NCK1: variants seen among roughly 807,000 people sequenced by gnomAD.
NCK1 encodes SH2/SH3 adapter protein NCK1.
NCK1 carries 19 observed loss-of-function variants against 36.6 expected under a neutral mutation model. The ratio of observed to expected loss-of-function variants is 0.52; its 90% CI spans 0.36 to 0.76. NCK1 has a LOEUF of 0.76. Among genes scored for constraint, NCK1 ranks in the 30% least tolerant of loss-of-function variants. NCK1 has a pLI of 0.00. For missense variants in NCK1, 358 were observed against 445.6 expected (o/e 0.80, Z 1.77); for synonymous variants, 165 against 156.0 (o/e 1.06, Z -0.43).
chr3:136,890,091 A>G (rs1304638775), intron 1 of NCK1, among the ~76,000 whole-genome samples: 2 of 152,122 alleles, frequency 1.3e-5, no homozygotes, highest in South Asian at 2.1e-4. Context: ...ACAGCAGCCC[A>G]TGGGGCGGGG....
At position 136,867,084 on chromosome 3, in the gene NCK1, CTTT is replaced by C. The variant is rs1938446885; in HGVS notation, c.-19+4732_-19+4734del. Among the ~76,000 whole-genome samples the C allele has an allele frequency of 1.6e-4, 2 of 12,434 alleles. 1 individual carries two copies. Among genetic ancestry groups the C allele is most frequent in the East Asian group, 2.0e-3 (2 of 984 alleles). 8.2% of individuals were successfully genotyped at this position (12,434 alleles called of 152,430 possible). On this transcript the variant is annotated intron_variant, in intron 1 of 3. Coordinates refer to ENST00000481752, the MANE Select transcript of NCK1 (RefSeq NM_001291999.2). ...TCTTTCTTTCTTTCTTTCTTTCTTT[CTTT>C]CTTTCTTTCTTTCTTTCTTTCTTTC... is the stretch of plus-strand genomic sequence containing the variant.
intron 1 of NCK1, among the ~76,000 whole-genome samples, chr3:136,895,865 T>G (rs967014507): frequency 2.6e-5 from 4 of 152,182 alleles, no homozygotes; most frequent in African/African-American, 9.7e-5. Context: ...ATGCCCAGTC[T>G]GTATGTTATT....
intron 1 of NCK1, among the ~76,000 whole-genome samples, chr3:136,891,019 A>C (rs767809990): frequency 1.1e-4 from 17 of 152,240 alleles, no homozygotes; most frequent in Non-Finnish European, 2.4e-4. Context: ...TATTTCACTG[A>C]GTATAGTGTC....
At chr3:136,941,028 A>G (rs1209489842) in intron 2 of NCK1, among the ~76,000 whole-genome samples, 1 of 152,050 alleles carries the variant, frequency 6.6e-6, no homozygotes, top group East Asian at 1.9e-4. Context: ...TATATCTGAT[A>G]AGGAAGGATT....
chr3:136,872,098 G>C (rs1480639877), intron 1 of NCK1, among the ~76,000 whole-genome samples: 1 of 152,208 alleles, frequency 6.6e-6, no homozygotes, highest in Non-Finnish European at 1.5e-5. Context: ...CTTTGGAACT[G>C]GGTAACAGGC....
Position 136,928,020 on chromosome 3 carries a change from G to T in NCK1, c.19G>T (p.Val7Leu), listed in dbSNP as rs548741298. 3.7e-6 allele frequency: 6 copies of T among 1,613,890 alleles called. No homozygotes were observed. In the East Asian group the frequency reaches 1.1e-4, roughly 30 times the overall value. Residue 7 changes from valine (V) to leucine (L), a missense_variant, in exon 2 of 4, where the codon GTA becomes TTA. Around this residue, in one of 3 missense-constraint regions of NCK1, gnomAD observed 143 missense variants for 162.4 expected, o/e 0.88. Transcript: ENST00000481752. MAEEVVVVAKFDYVAQQ... is the reference protein window; with the variant it reads MAEEVVLVAKFDYVAQQ... ...CTGAAAGATGGCAGAAGAAGTGGTG[G>T]TAGTAGCCAAATTTGATTATGTGGC...
chr3:136,927,590 C>T (rs1270165498), intron 1 of NCK1, among the ~76,000 whole-genome samples: 1 of 151,916 alleles, frequency 6.6e-6, no homozygotes, highest in Non-Finnish European at 1.5e-5. Context: ...GGTGCGATAT[C>T]GGCTCACTGC....
At chr3:136,934,853 G>A (rs1940488189) in intron 2 of NCK1, among the ~76,000 whole-genome samples, 1 of 152,146 alleles carries the variant, frequency 6.6e-6, no homozygotes, top group Admixed American at 6.5e-5. Context: ...TTAAGCAATG[G>A]GTTAGAAGGG....
Position 136,951,320 on chromosome 3 carries a change from G to A in NCK1, c.*2867G>A, listed in dbSNP as rs1490250771. Among the ~76,000 whole-genome samples the A allele has an allele frequency of 6.6e-6, 1 of 152,172 alleles. No individual in the cohort carries two copies. The highest frequency in any genetic ancestry group is 1.5e-5 in the Non-Finnish European group (1 of 68,022). Reference sequence around the variant, plus strand: ...ATTTCACTCCCACCTTGTTGCTGGGGTACCTTCTTCAGGGTACATCTAAAC... The same window carrying A: ...ATTTCACTCCCACCTTGTTGCTGGGATACCTTCTTCAGGGTACATCTAAAC... On this transcript the variant is annotated 3_prime_UTR_variant, in exon 4 of 4. Transcript: ENST00000481752.
At chr3:136,867,312 T>C (rs12630955) in intron 1 of NCK1, 100,790 of 147,602 alleles carry the variant, frequency 0.68, 34,631 homozygotes, top group East Asian at 0.87. Flanking sequence ...GCTCTGTTGC[T>C]CAGGCTGGAG....
chr3:136,892,117 G>A (rs531292371), intron 1 of NCK1, among the ~76,000 whole-genome samples: 2 of 151,998 alleles, frequency 1.3e-5, no homozygotes, highest in African/African-American at 4.8e-5. Flanking sequence ...TGAACTTTTA[G>A]CCTCAAGGGA....
intron 2 of NCK1, among the ~76,000 whole-genome samples, chr3:136,939,626 A>T (rs1413314861): frequency 6.6e-6 from 1 of 151,776 alleles, no homozygotes; most frequent in Non-Finnish European, 1.5e-5. Context: ...GCTGCCTCCC[A>T]TAGGTTTTTG....
chr3:136,928,253 A>G, intron 2 of NCK1, 26 bp downstream of exon 2: 1 of 1,564,316 alleles, frequency 6.4e-7, no homozygotes, highest in Non-Finnish European at 8.7e-7. Flanking sequence ...AAAGAAAAGC[A>G]ACTTTGTTTT....
intron 1 of NCK1, among the ~76,000 whole-genome samples, chr3:136,869,262 T>C (rs765089285): frequency 5.9e-5 from 9 of 151,848 alleles, no homozygotes; most frequent in Middle Eastern, 3.4e-3. Context: ...ATTTTATTTG[T>C]TCCGCTAGGC....
intron 1 of NCK1, among the ~76,000 whole-genome samples, chr3:136,907,505 T>C (rs1939716442): frequency 1.3e-5 from 2 of 152,268 alleles, no homozygotes; most frequent in Non-Finnish European, 2.9e-5. Context: ...GCTTCTCCCA[T>C]GGCTAGGATT....
intron 1 of NCK1, among the ~76,000 whole-genome samples, chr3:136,873,369 C>G (rs552036957): frequency 6.6e-6 from 1 of 152,240 alleles, no homozygotes; most frequent in Admixed American, 6.5e-5. Flanking sequence ...CAATTTCTCC[C>G]ATTTGGAATG....
At chr3:136,922,407 G>T (rs1019448567) in intron 1 of NCK1, among the ~76,000 whole-genome samples, 3 of 152,174 alleles carry the variant, frequency 2.0e-5, no homozygotes, top group African/African-American at 7.2e-5. Flanking sequence ...CTAAATGGGG[G>T]TTCAGGTGAC....
rs1940904038 is a variant in NCK1, at chr3:136,949,031, G to C, written c.*578G>C. On this transcript the variant is annotated 3_prime_UTR_variant, in exon 4 of 4. Coordinates refer to ENST00000481752, the MANE Select transcript of NCK1 (RefSeq NM_001291999.2). ...TTTAAAAATACATTCATTGTCTTCAGTCATACAGCAAGACACATGAGACAT... is the reference window on the plus strand; with the variant it reads ...TTTAAAAATACATTCATTGTCTTCACTCATACAGCAAGACACATGAGACAT... 6.6e-6 allele frequency: 1 copy of C among 152,358 alleles called. No homozygotes were observed. Among genetic ancestry groups the C allele is most frequent in the South Asian group, 2.1e-4 (1 of 4,832 alleles). The allele number at this position is 152,358 out of a possible 1,614,324, so 9.4% of individuals were successfully genotyped here. A position where few individuals can be genotyped will look rare whatever the true frequency, so the allele number is the denominator to read the frequency against.
intron 1 of NCK1, among the ~76,000 whole-genome samples, chr3:136,913,104 CT>C (rs776468487): frequency 0.011 from 1,723 of 152,134 alleles, 14 homozygotes; most frequent in Non-Finnish European, 0.018. Context: ...GTCTTCTGAT[CT>C]TTCTCTGGGA....
Sources: gnomAD v4.1 joint callset for allele counts (sites outside exome capture counted in the v4.1 genomes callset) on GRCh38, gnomAD v4.1.1 for gene constraint, gnomAD v4.1.1 regional missense constraint, MANE v1.5 for transcripts, NCBI Gene and HGNC (gene_info 2026-07-23, HGNC 2026-07-21) for gene names.